Variants in OR56A3 observed in about 807,000 individuals in gnomAD.
OR56A3 encodes olfactory receptor family 56 subfamily A member 3, also known as olfactory receptor 56A3.
In OR56A3, 23 loss-of-function variants were observed where a neutral mutation model predicts 17.5. That is an observed-to-expected ratio of 1.32 (90% CI 0.95 to 1.87). OR56A3 has a LOEUF of 1.87. OR56A3 is among the 40% of genes most tolerant of loss of function. OR56A3 has a pLI of 0.00. For synonymous variants in OR56A3, 175 were observed against 150.6 expected, an observed-to-expected ratio of 1.16 and a Z score of -1.19; for missense variants, 366 against 380.1, an observed-to-expected ratio of 0.96 and a Z score of 0.31.
the OR56A3 span, among the ~76,000 whole-genome samples, chr11:6,012,518 G>T: frequency 6.6e-6 from 1 of 152,068 alleles, no homozygotes; most frequent in Admixed American, 6.5e-5. Flanking sequence ...CTGCAGGCAG[G>T]TCATCCCATT....
chr11:6,006,281 C>T, the OR56A3 span: 5 of 152,192 alleles, frequency 3.3e-5, no homozygotes, highest in South Asian at 1.0e-3. Flanking sequence ...AATGATTTTT[C>T]CTCCCTCTGA....
the OR56A3 span, among the ~76,000 whole-genome samples, chr11:6,015,537 C>T: frequency 1.3e-5 from 2 of 152,218 alleles, no homozygotes; most frequent in Non-Finnish European, 2.9e-5. Flanking sequence ...CCTGGAAAAG[C>T]CATAGGAACT....
the OR56A3 span, chr11:5,967,561 T>C: frequency 6.4e-7 from 1 of 1,572,076 alleles, no homozygotes; most frequent in South Asian, 1.2e-5. Flanking sequence ...TTTTACAACC[T>C]CCTCAGCAGG....
At chr11:5,977,901 G>A in the OR56A3 span, among the ~76,000 whole-genome samples, 1 of 152,126 alleles carries the variant, frequency 6.6e-6, no homozygotes, top group African/African-American at 2.4e-5. Context: ...ATAGGAAGGT[G>A]TCCAGTTTCA....
chr11:6,017,446 C>T, the OR56A3 span, among the ~76,000 whole-genome samples: 2 of 152,120 alleles, frequency 1.3e-5, no homozygotes, highest in Admixed American at 1.3e-4. Context: ...TCTAAGGGAG[C>T]ATCTGTCAGA....
the OR56A3 span, among the ~76,000 whole-genome samples, chr11:5,990,454 T>C: frequency 6.6e-6 from 1 of 152,156 alleles, no homozygotes; most frequent in East Asian, 1.9e-4. Flanking sequence ...TAAGAGAAGA[T>C]GGTGAAATCC....
the OR56A3 span, among the ~76,000 whole-genome samples, chr11:6,014,271 T>C: frequency 6.6e-6 from 1 of 152,120 alleles, no homozygotes; most frequent in Non-Finnish European, 1.5e-5. Context: ...CCCACCCAAA[T>C]CTCATGTTAA....
chr11:5,967,954 T>C, the OR56A3 span: 1 of 1,594,430 alleles, frequency 6.3e-7, no homozygotes, highest in Non-Finnish European at 8.6e-7. Context: ...TTAGTACAGA[T>C]GCAGTTCTTG....
chr11:5,956,609 A>G, the OR56A3 span, among the ~76,000 whole-genome samples: 1 of 152,350 alleles, frequency 6.6e-6, no homozygotes, highest in South Asian at 2.1e-4. Context: ...CTAATGTCTT[A>G]TTAAGTTCAT....
At chr11:6,006,162 A>G in the OR56A3 span, 2 of 152,232 alleles carry the variant, frequency 1.3e-5, no homozygotes, top group Admixed American at 1.3e-4. Flanking sequence ...TAACGAATAC[A>G]GGAAGACATA....
chr11:5,943,944 G>A (rs1312124474), intron 1 of OR56A3, among the ~76,000 whole-genome samples: 1 of 152,222 alleles, frequency 6.6e-6, no homozygotes, highest in Non-Finnish European at 1.5e-5. Flanking sequence ...AATTGGGGTT[G>A]GGTCAATTAT....
rs1847887918 is a variant in OR56A3 at position 5,948,371 on chromosome 11, A to G, written c.*77A>G. ...TTAATGAGTGAGTGGGCTGAAATTC[A>G]TATCTGTGACTTATAACCTCAAACT... On this transcript the variant is annotated 3_prime_UTR_variant, in exon 3 of 3. Coordinates refer to ENST00000641160, the MANE Select transcript of OR56A3 (RefSeq NM_001003443.3). The G allele has an allele frequency of 2.0e-6, 2 of 986,132 alleles. No individual in the cohort carries two copies. Among genetic ancestry groups the G allele is most frequent in the Non-Finnish European group, 3.0e-6 (2 of 656,556 alleles). 61.1% of individuals were successfully genotyped at this position (986,132 alleles called of 1,614,324 possible).
the OR56A3 span, among the ~76,000 whole-genome samples, chr11:6,015,433 TC>T: frequency 6.6e-6 from 1 of 152,126 alleles, no homozygotes; most frequent in African/African-American, 2.4e-5. Context: ...CTCGCACAGT[TC>T]CCACTGGGAC....
the OR56A3 span, among the ~76,000 whole-genome samples, chr11:6,016,411 A>G: frequency 6.6e-6 from 1 of 152,252 alleles, no homozygotes; most frequent in Non-Finnish European, 1.5e-5. Flanking sequence ...TTACAACTGA[A>G]GAACTCCTAG....
At chr11:5,962,563 T>G in the OR56A3 span, among the ~76,000 whole-genome samples, 7 of 147,162 alleles carry the variant, frequency 4.8e-5, no homozygotes, top group Non-Finnish European at 4.5e-5. Context: ...ACGGAGTCTC[T>G]CTCTGTCGCC....
chr11:5,967,984 A>G, the OR56A3 span: 7 of 1,589,082 alleles, frequency 4.4e-6, no homozygotes, highest in Non-Finnish European at 5.1e-6. Context: ...CCTGCACAGT[A>G]TCTGAGTCGA....
chr11:5,979,690 T>C, the OR56A3 span, among the ~76,000 whole-genome samples: 1 of 152,144 alleles, frequency 6.6e-6, no homozygotes, highest in Non-Finnish European at 1.5e-5. Flanking sequence ...GTTTTTTGCA[T>C]CTCAAATTCA....
chr11:5,945,160 GTCCCTACCCCAAAACTTTTTTCC>G (rs1344832891), intron 2 of OR56A3, 78 bp downstream of exon 2: 1 of 152,146 alleles, frequency 6.6e-6, no homozygotes, highest in Admixed American at 6.5e-5. Context: ...TTGTCACCCT[GTCCCTACCCCAAAACTTTTTTCC>G]TCGACAGATT....
At chr11:5,999,876 A>C in the OR56A3 span, 4 of 152,258 alleles carry the variant, frequency 2.6e-5, no homozygotes, top group Non-Finnish European at 4.4e-5. Context: ...ACAAGATGCA[A>C]GAATAATGAT....
Sources: allele counts gnomAD v4.1 joint callset (sites outside exome capture counted in the v4.1 genomes callset), GRCh38; gene constraint gnomAD v4.1.1; transcripts MANE v1.5; gene names NCBI Gene and HGNC (gene_info 2026-07-23, HGNC 2026-07-21).